Variants in PTGER3 observed in about 807,000 individuals in gnomAD.
PTGER3 encodes the protein prostaglandin E receptor 3, also known as prostaglandin E2 receptor EP3 subtype.
A neutral mutation model predicts 34.7 loss-of-function variants in PTGER3; 22 were observed. That is an observed-to-expected ratio of 0.63 (90% CI 0.45 to 0.91). The LOEUF (loss-of-function observed/expected upper bound fraction) is 0.91. Among genes scored for constraint, PTGER3 ranks in the 40% least tolerant of loss-of-function variants. The pLI is 0.00. For missense variants in PTGER3, 468 were observed against 519.4 expected (o/e 0.90, Z 0.96); for synonymous variants, 241 against 230.1 (o/e 1.05, Z -0.43).
At chr1:70,981,224 C>A (rs1654223232) in intron 2 of PTGER3, among the ~76,000 whole-genome samples, 1 of 152,052 alleles carries the variant, frequency 6.6e-6, no homozygotes, top group South Asian at 2.1e-4. Context: ...ACACTCCAAG[C>A]CATACTATTG....
intron 4 of PTGER3, chr1:70,865,723 T>C (rs1201497479): frequency 1.5e-6 from 2 of 1,366,010 alleles, no homozygotes; most frequent in Middle Eastern, 2.1e-4. Flanking sequence ...TTAGTGGAAG[T>C]TGTGGATGTG....
rs560718121 is a variant in PTGER3, at chr1:71,039,523, G to A, written c.897+7158C>T. Among the ~76,000 whole-genome samples, 84 of 151,528 alleles carry A rather than the reference G, an allele frequency of 5.5e-4. 1 individual carries two copies. The highest frequency in any genetic ancestry group is 6.8e-4 in the African/African-American group (28 of 41,292). ...AAATTAGCCGGGTGTGGTGGTGGGC[G>A]CCTGTAGTCCCAGCTACTCGGGAGG... On this transcript the variant is annotated intron_variant, in intron 1 of 3. Transcript: ENST00000306666.
intron 4 of PTGER3, among the ~76,000 whole-genome samples, chr1:70,933,905 G>C (rs185556369): frequency 6.6e-6 from 1 of 152,234 alleles, no homozygotes; most frequent in Non-Finnish European, 1.5e-5. Flanking sequence ...CCAGGCATTG[G>C]AAATAGGTGA....
chr1:71,025,936 T>C lies in PTGER3; in HGVS notation c.898-13452A>G, dbSNP rs144889890. ...TAATGTTAAAGCGAAAGCAATGCTA[T>C]TGTGTGATACTTTCAGCTCCTCAAG... On this transcript the variant is annotated intron_variant, in intron 1 of 3. Transcript: ENST00000306666. Among the ~76,000 whole-genome samples the C allele has an allele frequency of 2.1e-3, 318 of 152,314 alleles. 1 individual carries two copies. Among genetic ancestry groups the C allele is most frequent in the Admixed American group, 4.1e-3 (62 of 15,300 alleles).
chr1:71,007,451 C>T, intron 2 of PTGER3: 1 of 985,384 alleles, frequency 1.0e-6, no homozygotes, highest in South Asian at 4.7e-5. Context: ...ACAGACAAGA[C>T]CCCTGGCCAC....
chr1:70,957,140 T>C (rs1440795012), intron 2 of PTGER3, among the ~76,000 whole-genome samples: 1 of 152,218 alleles, frequency 6.6e-6, no homozygotes, highest in African/African-American at 2.4e-5. Flanking sequence ...ACCTCTGTTT[T>C]CGGTAATAAC....
At chr1:70,956,504 T>G (rs1651351011) in intron 2 of PTGER3, among the ~76,000 whole-genome samples, 1 of 151,928 alleles carries the variant, frequency 6.6e-6, no homozygotes, top group Admixed American at 6.6e-5. Flanking sequence ...TGAAAAAATA[T>G]AATCAATGGA....
chr1:70,939,835 G>A (rs770427421), intron 4 of PTGER3, among the ~76,000 whole-genome samples: 1 of 152,136 alleles, frequency 6.6e-6, no homozygotes, highest in Non-Finnish European at 1.5e-5. Flanking sequence ...GATAGGAGGG[G>A]CTGCCATGAA....
intron 2 of PTGER3, chr1:71,011,189 G>T: frequency 1.0e-6 from 1 of 985,106 alleles, no homozygotes; most frequent in Non-Finnish European, 1.2e-6. Context: ...TAGACTGTAG[G>T]AAAAACATTT....
At chr1:70,978,672 T>A (rs601934) in intron 2 of PTGER3, among the ~76,000 whole-genome samples, 93,105 of 151,820 alleles carry the variant, frequency 0.61, 28,772 homozygotes, top group Middle Eastern at 0.65. Context: ...ACATAGTCAC[T>A]CTCCAGAGCA....
intron 4 of PTGER3, among the ~76,000 whole-genome samples, chr1:70,937,603 T>G (rs1191210093): frequency 2.0e-5 from 3 of 152,186 alleles, no homozygotes. Flanking sequence ...TGAAACTGCC[T>G]TTTAGGTATC....
chr1:70,952,367 T>A, downstream of PTGER3: 1 of 954,670 alleles, frequency 1.0e-6, no homozygotes, highest in Non-Finnish European at 1.2e-6. Flanking sequence ...CTTCCTAGTT[T>A]TGTTAATTCA....
intron 4 of PTGER3, among the ~76,000 whole-genome samples, chr1:70,890,824 CT>C (rs1646601197): frequency 1.3e-5 from 2 of 152,164 alleles, no homozygotes; most frequent in South Asian, 4.1e-4. Flanking sequence ...ATAAAAAGTC[CT>C]TCAAGATATG....
At chr1:70,940,993 T>C (rs1649708235) in intron 4 of PTGER3, among the ~76,000 whole-genome samples, 2 of 152,186 alleles carry the variant, frequency 1.3e-5, no homozygotes, top group South Asian at 2.1e-4. Context: ...TGATTCAGCA[T>C]TTCCAGAAGG....
intron 4 of PTGER3, among the ~76,000 whole-genome samples, chr1:70,889,616 G>A (rs1360210938): frequency 6.6e-6 from 1 of 152,080 alleles, no homozygotes; most frequent in African/African-American, 2.4e-5. Context: ...AATAAAATAA[G>A]AATCATGATG....
rs576007498 is a variant in PTGER3, at chr1:70,996,852, C to T, written c.1077+15453G>A. Among the ~76,000 whole-genome samples, 39 of 152,008 alleles carry T rather than the reference C, an allele frequency of 2.6e-4. No individual in the cohort carries two copies. In the South Asian group the frequency reaches 3.9e-3, roughly 15 times the overall value. ...CCTTTTTTTGTGTTTTTAGTAGAGACGGGGTTTCACCATGTTAGCCAGGAT... is the reference window on the plus strand; with the variant it reads ...CCTTTTTTTGTGTTTTTAGTAGAGATGGGGTTTCACCATGTTAGCCAGGAT... On this transcript the variant is annotated intron_variant, in intron 2 of 3. Coordinates refer to ENST00000306666, the MANE Select transcript of PTGER3 (RefSeq NM_198719.2).
chr1:70,929,937 A>C (rs1648527312), intron 4 of PTGER3, among the ~76,000 whole-genome samples: 1 of 152,174 alleles, frequency 6.6e-6, no homozygotes, highest in Non-Finnish European at 1.5e-5. Flanking sequence ...AAAATATAAG[A>C]TCTCTTATCA....
intron 4 of PTGER3, among the ~76,000 whole-genome samples, chr1:70,928,956 A>G (rs970564844): frequency 1.3e-5 from 2 of 151,998 alleles, no homozygotes; most frequent in Non-Finnish European, 2.9e-5. Context: ...GGAACTAGGG[A>G]ACCCAAATCT....
intron 4 of PTGER3, among the ~76,000 whole-genome samples, chr1:70,877,900 G>C (rs1459750424): frequency 6.6e-6 from 1 of 152,112 alleles, no homozygotes; most frequent in Non-Finnish European, 1.5e-5. Context: ...ACACTGGCCT[G>C]AAGTTTTCTT....
Sources: allele counts gnomAD v4.1 joint callset (sites outside exome capture counted in the v4.1 genomes callset), GRCh38; gene constraint gnomAD v4.1.1; transcripts MANE v1.5; gene names NCBI Gene and HGNC (gene_info 2026-07-23, HGNC 2026-07-21).